HLA-DPB1: variants seen among roughly 807,000 people sequenced by gnomAD.
The protein encoded by HLA-DPB1 is HLA class II histocompatibility antigen, DP beta 1 chain.
In HLA-DPB1, 30 loss-of-function variants were observed where a neutral mutation model predicts 29.4. The ratio of observed to expected loss-of-function variants is 1.02; its 90% CI spans 0.76 to 1.38. HLA-DPB1 has a LOEUF of 1.38. HLA-DPB1 is among the 40% of genes most tolerant of loss of function. The probability of loss-of-function intolerance (pLI) is 0.00; values close to 1 mark genes in which losing one functional copy is unlikely to be tolerated. For missense variants in HLA-DPB1, 261 were observed against 327.5 expected, an observed-to-expected ratio of 0.80 and a Z score of 1.57; for synonymous variants, 114 against 134.0, an observed-to-expected ratio of 0.85 and a Z score of 1.03.
At chr6:33,081,324 C>A in intron 2 of HLA-DPB1, 1 of 216,292 alleles carries the variant, frequency 4.6e-6, no homozygotes, top group Non-Finnish European at 9.0e-6. Context: ...GCTTGAGGGG[C>A]AGATGGGTGG....
chr6:33,086,370 C>CT (rs1763103858), intron 5 of HLA-DPB1, 128 bp downstream of exon 5: 13 of 825,744 alleles, frequency 1.6e-5, no homozygotes, highest in South Asian at 1.5e-4. Flanking sequence ...TCAATGTCAG[C>CT]CTTCAGGCAA....
Position 33,080,637 on chromosome 6 carries a change from T to C in HLA-DPB1, c.101-35T>C, listed in dbSNP as rs1347515001. On this transcript the variant is annotated intron_variant, in intron 1 of 5. Transcript: ENST00000418931. This position sits in a 1 kb window ranked among gnomAD's most constrained non-coding sequence, Gnocchi z 4.3. ...AGGGAGAAAGAGGATTAGATGAGAG[T>C]GGCGCCTCCGCTCATGTCCGCCCCC... is the stretch of plus-strand genomic sequence containing the variant. The C allele has an allele frequency of 6.2e-7, 1 of 1,611,142 alleles. No homozygotes were observed. The highest frequency in any genetic ancestry group is 8.5e-7 in the Non-Finnish European group (1 of 1,178,648).
chr6:33,076,563 GCT>G (rs1389431135), intron 1 of HLA-DPB1, among the ~76,000 whole-genome samples: 2 of 152,162 alleles, frequency 1.3e-5, no homozygotes, highest in Non-Finnish European at 2.9e-5. Flanking sequence ...AGGATTCAGT[GCT>G]CACGAAGAAT....
chr6:33,085,050 A>T lies in HLA-DPB1; in HGVS notation c.465A>T (p.Gln155His), dbSNP rs1330810767. ...HVTDFYPGSI[Q>H]VRWFLNGQEE... ...CGGATTTCTACCCAGGCAGCATTCA[A>T]GTCCGATGGTTCCTGAATGGACAGG... Residue 155 changes from glutamine (Q) to histidine (H), a missense_variant, in exon 3 of 6, where the codon CAA becomes CAT. Transcript: ENST00000418931. The T allele has an allele frequency of 6.2e-7, 1 of 1,613,660 alleles. No individual in the cohort carries two copies. Among genetic ancestry groups the T allele is most frequent in the Admixed American group, 1.7e-5 (1 of 60,020 alleles).
intron 1 of HLA-DPB1, chr6:33,079,656 A>C (rs916366440): frequency 6.4e-6 from 3 of 471,592 alleles, no homozygotes; most frequent in Non-Finnish European, 8.3e-6. Flanking sequence ...AACAAAAAAA[A>C]CATGCTGCCC....
At position 33,080,979 on chromosome 6, in the gene HLA-DPB1, G is replaced by C. The variant is rs1762836661; in HGVS notation, c.364+44G>C. The C allele has an allele frequency of 1.3e-6, 2 of 1,524,744 alleles. No homozygotes were observed. The highest frequency in any genetic ancestry group is 4.0e-5 in the Admixed American group (2 of 49,778). 94.5% of individuals were successfully genotyped at this position (1,524,744 alleles called of 1,614,324 possible). On this transcript the variant is annotated intron_variant, in intron 2 of 5. Transcript: ENST00000418931. This position sits in a 1 kb window ranked among gnomAD's most constrained non-coding sequence, Gnocchi z 4.3. ...CCGGCGGTCCCAGGGCAGCCCCGCG[G>C]GCCCGTGCCCAGGGCGCAGGAGCAG...
Position 33,087,384 on chromosome 6 carries a change from T to C in HLA-DPB1, c.*850T>C, listed in dbSNP as rs1014301467. Among the ~76,000 whole-genome samples, 2 of 151,298 alleles carry C rather than the reference T, an allele frequency of 1.3e-5. No homozygotes were observed. Among genetic ancestry groups the C allele is most frequent in the African/African-American group, 4.9e-5 (2 of 40,910 alleles). Reference sequence around the variant, plus strand: ...TGGGGAAAGAGCAAAGCAATACATGTAGCACTCTTTTTCAAACACTGGTCT... The same window carrying C: ...TGGGGAAAGAGCAAAGCAATACATGCAGCACTCTTTTTCAAACACTGGTCT... On this transcript the variant is annotated 3_prime_UTR_variant, in exon 6 of 6. Transcript: ENST00000418931.
rs1763196368 is a variant in HLA-DPB1, at chr6:33,088,152, A to T, written c.*1618A>T. 6.6e-6 allele frequency among the ~76,000 whole-genome samples: 1 copy of T among 152,220 alleles called. No homozygotes were observed. The highest frequency in any genetic ancestry group is 1.5e-5 in the Non-Finnish European group (1 of 68,042). On this transcript the variant is annotated 3_prime_UTR_variant, in exon 6 of 6. Transcript: ENST00000418931. Reference sequence around the variant, plus strand: ...AAATTAATATGATTTCAATCCAGGGATTCAACGATGGAAGGAGGTCATGAG... The same window carrying T: ...AAATTAATATGATTTCAATCCAGGGTTTCAACGATGGAAGGAGGTCATGAG...
At chr6:33,082,343 G>T (rs1762907831) in intron 2 of HLA-DPB1, among the ~76,000 whole-genome samples, 1 of 152,008 alleles carries the variant, frequency 6.6e-6, no homozygotes, top group Non-Finnish European at 1.5e-5. Context: ...TTCTCCTCCA[G>T]GCCCGCAGGT....
At chr6:33,079,213 T>G (rs1762710820) in intron 1 of HLA-DPB1, among the ~76,000 whole-genome samples, 1 of 152,212 alleles carries the variant, frequency 6.6e-6, no homozygotes, top group Non-Finnish European at 1.5e-5. Flanking sequence ...CACAGCACCT[T>G]AATTTCCCCA....
At chr6:33,082,696 A>G (rs9277385) in intron 2 of HLA-DPB1, among the ~76,000 whole-genome samples, 56,933 of 151,798 alleles carry the variant, frequency 0.38, 12,137 homozygotes, top group East Asian at 0.63. Flanking sequence ...CACAGAGGCA[A>G]GGGAGAGGTG....
chr6:33,081,511 A>G (rs73741630), intron 2 of HLA-DPB1, among the ~76,000 whole-genome samples: 6,049 of 152,176 alleles, frequency 0.04, 178 homozygotes, highest in African/African-American at 0.084. Flanking sequence ...ACCCAAGTGC[A>G]GTGTGAGGAG....
In HLA-DPB1 at chr6:33,087,766, A is replaced by G. The variant is rs1283620870; in HGVS notation, c.*1232A>G. Among the ~76,000 whole-genome samples the G allele has an allele frequency of 2.6e-5, 4 of 152,188 alleles. No individual in the cohort carries two copies. The highest frequency in any genetic ancestry group is 9.7e-5 in the African/African-American group (4 of 41,444). On this transcript the variant is annotated 3_prime_UTR_variant, in exon 6 of 6. Coordinates refer to ENST00000418931, the MANE Select transcript of HLA-DPB1 (RefSeq NM_002121.6). ...AGGAGAGGTGGGGCTGAAGGCACAG[A>G]CTTGGGCGTCACTGGCACAGATATA...
chr6:33,079,970 T>C (rs779412577), intron 1 of HLA-DPB1: 10 of 221,844 alleles, frequency 4.5e-5, no homozygotes, highest in Non-Finnish European at 7.3e-5. Flanking sequence ...TCCCTGGTTG[T>C]TGTGGTGATT....
chr6:33,086,294 G>C (rs9277495), intron 5 of HLA-DPB1, 52 bp downstream of exon 5: 328,170 of 1,287,448 alleles, frequency 0.25, 49,777 homozygotes, highest in East Asian at 0.59. Flanking sequence ...GAGGATATGA[G>C]TCCTTTCTGT....
intron 1 of HLA-DPB1, among the ~76,000 whole-genome samples, chr6:33,077,077 AC>A (rs1762578462): frequency 2.1e-5 from 1 of 48,746 alleles, no homozygotes; most frequent in Admixed American, 3.2e-4. Flanking sequence ...CCCTCCCCCC[AC>A]CCCACAACAG....
chr6:33,085,733 A>C, intron 3 of HLA-DPB1, 46 bp from the exon 4 acceptor site: 3 of 1,209,174 alleles, frequency 2.5e-6, no homozygotes, highest in Non-Finnish European at 2.5e-6. Flanking sequence ...ATGAGTAGGG[A>C]TGCAGCTGGT....
In HLA-DPB1 at chr6:33,080,702, GCT is replaced by G. The variant is rs1189537940; in HGVS notation, c.132_133del (p.Cys44Ter). ...TACCTTTTCCAGGGACGGCAGGAATGCTACGCGTTTAATGGGACACAGCGCTT... is the reference window on the plus strand; with the variant it reads ...TACCTTTTCCAGGGACGGCAGGAATGACGCGTTTAATGGGACACAGCGCTT... On this transcript the variant is annotated stop_gained and frameshift_variant, in exon 2 of 6. Transcript: ENST00000418931. LOFTEE classifies it high-confidence loss of function. The surrounding 1 kb of genome is among the most constrained non-coding windows in gnomAD (Gnocchi z 4.3). 1.2e-5 allele frequency: 19 copies of G among 1,613,056 alleles called. No homozygotes were observed. Among genetic ancestry groups the G allele is most frequent in the Non-Finnish European group, 1.6e-5 (19 of 1,179,784 alleles).
At position 33,079,855 on chromosome 6, in the gene HLA-DPB1, G is replaced by A. The variant is rs1417401050; in HGVS notation, c.101-817G>A. 1.8e-5 allele frequency: 6 copies of A among 342,084 alleles called. No individual in the cohort carries two copies. In the East Asian group the frequency reaches 4.7e-4, roughly 27 times the overall value. The allele number at this position is 342,084 out of a possible 1,614,324, so 21.2% of individuals were successfully genotyped here. Reference sequence around the variant, plus strand: ...TACCAGGGTGCACAGCTAAGAAAATGAGTAGAAAGTTCATGTCCACGTTTT... The same window carrying A: ...TACCAGGGTGCACAGCTAAGAAAATAAGTAGAAAGTTCATGTCCACGTTTT... On this transcript the variant is annotated intron_variant, in intron 1 of 5. Transcript: ENST00000418931.
Sources: allele counts gnomAD v4.1 joint callset (sites outside exome capture counted in the v4.1 genomes callset), GRCh38; gene constraint gnomAD v4.1.1; non-coding constraint Gnocchi (gnomAD v3.1); transcripts MANE v1.5; gene names NCBI Gene and HGNC (gene_info 2026-07-23, HGNC 2026-07-21).